THSD7B: variants seen among roughly 807,000 people sequenced by gnomAD.
THSD7B encodes thrombospondin type 1 domain containing 7B.
A neutral mutation model predicts 213.6 loss-of-function variants in THSD7B; 138 were observed. The ratio of observed to expected loss-of-function variants is 0.65; its 90% CI spans 0.56 to 0.74. The LOEUF is 0.74. THSD7B is among the 30% of genes least tolerant of loss of function. The probability of loss-of-function intolerance (pLI) is 0.00; values close to 1 mark genes in which losing one functional copy is unlikely to be tolerated. For synonymous variants in THSD7B, 742 were observed against 687.0 expected (o/e 1.08, Z -1.25); for missense variants, 1,931 against 1,991.5 (o/e 0.97, Z 0.58).
At chr2:137,614,096 T>C (rs970339125) in intron 17 of THSD7B, among the ~76,000 whole-genome samples, 2 of 152,072 alleles carry the variant, frequency 1.3e-5, no homozygotes, top group African/African-American at 2.4e-5. Context: ...GGGAAGAAAT[T>C]TAGTAGGGGA....
intron 12 of THSD7B, among the ~76,000 whole-genome samples, chr2:137,352,051 A>T (rs746188405): frequency 7.9e-5 from 12 of 151,842 alleles, no homozygotes; most frequent in Non-Finnish European, 1.6e-4. Context: ...GGTCCAGGGA[A>T]GCCAAAAGAT....
intron 1 of THSD7B, among the ~76,000 whole-genome samples, chr2:136,873,802 A>T (rs1224040360): frequency 2.6e-5 from 4 of 152,136 alleles, no homozygotes; most frequent in Non-Finnish European, 5.9e-5. Context: ...TTCATTCCTA[A>T]GGGTTATCAA....
intron 12 of THSD7B, among the ~76,000 whole-genome samples, chr2:137,363,676 A>C (rs1448343337): frequency 6.6e-6 from 1 of 152,246 alleles, no homozygotes; most frequent in Non-Finnish European, 1.5e-5. Flanking sequence ...CACCCTCCCA[A>C]GGCTAAACCA....
intron 12 of THSD7B, among the ~76,000 whole-genome samples, chr2:137,353,169 GA>G (rs1216059141): frequency 6.6e-6 from 1 of 152,060 alleles, no homozygotes; most frequent in East Asian, 1.9e-4. Context: ...GGCAGTGTTA[GA>G]AAAAATGTCA....
rs201720310 is a variant in THSD7B, at chr2:136,919,944, G to A, written c.139+37627G>A. On this transcript the variant is annotated intron_variant, in intron 2 of 27. Transcript: ENST00000409968. ...TAAGCTGCTTTCACTGTGGGCAGCA[G>A]GGAACATGGTGGTGCCTGGAAGCTT... 1.4e-4 allele frequency among the ~76,000 whole-genome samples: 21 copies of A among 152,348 alleles called. No homozygotes were observed. The East Asian group carries it at 4.0e-3, about 29-fold the overall frequency.
At chr2:137,014,557 A>G (rs1160920996) in intron 2 of THSD7B, among the ~76,000 whole-genome samples, 2 of 152,148 alleles carry the variant, frequency 1.3e-5, no homozygotes, top group Admixed American at 1.3e-4. Flanking sequence ...TGTTTTCAAC[A>G]TTGTCAGCCT....
At chr2:136,915,614 A>G (rs928699499) in intron 2 of THSD7B, among the ~76,000 whole-genome samples, 2 of 152,132 alleles carry the variant, frequency 1.3e-5, no homozygotes, top group African/African-American at 4.8e-5. Flanking sequence ...ATATTATTTT[A>G]CCTCACATGG....
intron 5 of THSD7B, among the ~76,000 whole-genome samples, chr2:137,136,069 A>G (rs150910988): frequency 2.4e-4 from 37 of 152,158 alleles, no homozygotes; most frequent in African/African-American, 8.9e-4. Context: ...ATTAAACACC[A>G]CATGTTCTTA....
At chr2:136,834,006 C>T (rs547326807) in intron 1 of THSD7B, among the ~76,000 whole-genome samples, 1 of 152,296 alleles carries the variant, frequency 6.6e-6, no homozygotes, top group African/African-American at 2.4e-5. Flanking sequence ...GAACTCTTAT[C>T]AGAACCTTTT....
chr2:136,882,403 T>A, intron 2 of THSD7B, 86 bp downstream of exon 2: 1 of 1,298,826 alleles, frequency 7.7e-7, no homozygotes, highest in Non-Finnish European at 9.9e-7. Context: ...CTTTCTAAAG[T>A]AGTGGGAAAT....
chr2:137,657,019 T>C, intron 23 of THSD7B, 46 bp from the exon 24 acceptor site: 4 of 1,613,670 alleles, frequency 2.5e-6, no homozygotes, highest in Non-Finnish European at 3.4e-6. Context: ...CAATGCTTAT[T>C]CTAAGTGAGG....
chr2:136,890,301 C>G, intron 2 of THSD7B, among the ~76,000 whole-genome samples: 1 of 488 alleles, frequency 2.0e-3, no homozygotes, highest in East Asian at 0.071. Flanking sequence ...CCATGTCCTA[C>G]TCCTTCTTCT....
chr2:137,273,608 T>A (rs187614448), intron 11 of THSD7B, among the ~76,000 whole-genome samples: 5 of 152,256 alleles, frequency 3.3e-5, no homozygotes, highest in African/African-American at 1.2e-4. Flanking sequence ...CTAATTTATT[T>A]GGGAAAATAC....
chr2:137,258,652 C>T lies in THSD7B; in HGVS notation c.2267-13881C>T, dbSNP rs72973672. Reference sequence around the variant, plus strand: ...ACACATGGAAAGATACACACAGACACACATACCATGCTCTTTTTTTTTTTT... The same window carrying T: ...ACACATGGAAAGATACACACAGACATACATACCATGCTCTTTTTTTTTTTT... On this transcript the variant is annotated intron_variant, in intron 10 of 27. Transcript: ENST00000409968. 6.0e-3 allele frequency among the ~76,000 whole-genome samples: 918 copies of T among 151,944 alleles called. 11 individuals carry two copies. Among genetic ancestry groups the T allele is most frequent in the African/African-American group, 0.022 (893 of 41,448 alleles).
chr2:136,862,163 C>A (rs1206649996), intron 1 of THSD7B, among the ~76,000 whole-genome samples: 2 of 152,316 alleles, frequency 1.3e-5, no homozygotes, highest in Middle Eastern at 3.4e-3. Context: ...AGGGGTGGGA[C>A]TGTACAAAGT....
chr2:136,964,613 C>A lies in THSD7B; in HGVS notation c.139+82296C>A, dbSNP rs546791788. On this transcript the variant is annotated intron_variant, in intron 2 of 27. Coordinates refer to ENST00000409968, the MANE Select transcript of THSD7B (RefSeq NM_001316349.2). ...ACGTTCCTATGCAAATATTCTCATC[C>A]CTATGCAAATATTCTATAACATCTT... Among the ~76,000 whole-genome samples the A allele has an allele frequency of 2.0e-5, 3 of 152,162 alleles. No individual in the cohort carries two copies. In the East Asian group the frequency reaches 5.8e-4, roughly 29 times the overall value.
intron 2 of THSD7B, among the ~76,000 whole-genome samples, chr2:136,899,434 C>T (rs1684025971): frequency 6.6e-6 from 1 of 152,198 alleles, no homozygotes; most frequent in Admixed American, 6.5e-5. Context: ...CTTCTGGGAA[C>T]ATGTGTCCAA....
At chr2:137,668,362 C>T (rs558526061) in intron 27 of THSD7B, among the ~76,000 whole-genome samples, 4 of 151,784 alleles carry the variant, frequency 2.6e-5, no homozygotes, top group Admixed American at 6.6e-5. Flanking sequence ...GTTGAAAGAA[C>T]CTGTAAGCAC....
chr2:137,264,765 AC>A (rs1682541857), intron 10 of THSD7B, among the ~76,000 whole-genome samples: 1 of 151,328 alleles, frequency 6.6e-6, no homozygotes, highest in Admixed American at 6.6e-5. Flanking sequence ...TCCATGTTTC[AC>A]AAACAGGTTT....
Sources: allele counts gnomAD v4.1 joint callset (sites outside exome capture counted in the v4.1 genomes callset), GRCh38; gene constraint gnomAD v4.1.1; transcripts MANE v1.5; gene names NCBI Gene and HGNC (gene_info 2026-07-23, HGNC 2026-07-21).